Variants in ANO1 observed in about 807,000 individuals in gnomAD.
The protein encoded by ANO1 is anoctamin-1.
ANO1 carries 59 observed loss-of-function variants against 124.0 expected under a neutral mutation model. The ratio of observed to expected loss-of-function variants is 0.48; its 90% confidence interval spans 0.39 to 0.59. The LOEUF is 0.59. Among genes scored for constraint, ANO1 ranks in the 20% least tolerant of loss-of-function variants. The pLI, the probability that ANO1 is intolerant of heterozygous loss-of-function variation, is 0.00. For synonymous variants in ANO1, 529 were observed against 532.0 expected (o/e 0.99, Z 0.08); for missense variants, 1,059 against 1,328.0 (o/e 0.80, Z 3.15).
Position 70,166,507 on chromosome 11 carries a change from G to A in ANO1, c.2052-735G>A, listed in dbSNP as rs558564305. On this transcript the variant is annotated intron_variant, in intron 20 of 25. Transcript: ENST00000355303. ...GATGGAGGCTGGGGGACTTGGCCTC[G>A]TTGTTACCTTGTACCCTTCGGAAAT... Among the ~76,000 whole-genome samples the A allele has an allele frequency of 8.5e-5, 13 of 152,154 alleles. No homozygotes were observed. The East Asian group carries it at 1.5e-3, about 18-fold the overall frequency.
At chr11:70,049,368 C>A (rs993970415) in intron 1 of ANO1, among the ~76,000 whole-genome samples, 2 of 152,240 alleles carry the variant, frequency 1.3e-5, no homozygotes, top group Non-Finnish European at 2.9e-5. Context: ...CTTTGCCTCT[C>A]TATGCCTTGG....
intron 2 of ANO1, among the ~76,000 whole-genome samples, chr11:70,102,306 C>T (rs2045308706): frequency 6.6e-6 from 1 of 152,182 alleles, no homozygotes; most frequent in African/African-American, 2.4e-5. Context: ...ATCAAGCTGG[C>T]CATGAAGGTT....
At chr11:70,185,131 T>G (rs546233372) in intron 24 of ANO1, among the ~76,000 whole-genome samples, 79 of 152,248 alleles carry the variant, frequency 5.2e-4, no homozygotes, top group African/African-American at 1.8e-3. Context: ...AGCATGGGCG[T>G]TGGGTTGAGG....
the ANO1 span, among the ~76,000 whole-genome samples, chr11:69,972,276 G>A: frequency 6.6e-6 from 1 of 151,628 alleles, no homozygotes; most frequent in Non-Finnish European, 1.5e-5. Flanking sequence ...TGAAAATGCC[G>A]GCGTTATCTC....
At chr11:70,147,228 G>C (rs77652224) in intron 11 of ANO1, among the ~76,000 whole-genome samples, 20,558 of 152,240 alleles carry the variant, frequency 0.14, 1,567 homozygotes, top group African/African-American at 0.2. Flanking sequence ...GGAGACATCG[G>C]GGGCCTTGCA....
At chr11:70,155,268 A>C (rs75167016) in intron 14 of ANO1, among the ~76,000 whole-genome samples, 98 of 152,346 alleles carry the variant, frequency 6.4e-4, no homozygotes, top group African/African-American at 2.3e-3. Flanking sequence ...CACCTCTTGG[A>C]TACAGGGTCC....
rs527620441 is a variant in ANO1, at chr11:70,041,729, A to G, written c.59-36813A>G. 9.2e-5 allele frequency among the ~76,000 whole-genome samples: 14 copies of G among 152,190 alleles called. 1 individual carries two copies. The South Asian group carries it at 1.9e-3, about 20-fold the overall frequency. The stretch of plus-strand genomic sequence containing the variant: ...GGAGGTTCTCGGTGAAAATATGTTG[A>G]AAAAACAGTAATCCTGCTGTACTTC... On this transcript the variant is annotated intron_variant, in intron 1 of 27. Coordinates refer to the ANO1 transcript ENST00000531349.
At chr11:70,179,665 T>C (rs908414338) in intron 22 of ANO1, among the ~76,000 whole-genome samples, 3 of 152,186 alleles carry the variant, frequency 2.0e-5, no homozygotes, top group African/African-American at 7.2e-5. Flanking sequence ...CCCAATTGAA[T>C]CTTGGTCAGT....
intron 1 of ANO1, among the ~76,000 whole-genome samples, chr11:69,987,447 G>A (rs1487303180): frequency 1.3e-5 from 2 of 152,056 alleles, no homozygotes; most frequent in African/African-American, 4.8e-5. Flanking sequence ...AAGAAACTGA[G>A]GCCACACAGC....
intron 18 of ANO1, among the ~76,000 whole-genome samples, chr11:70,162,456 A>G (rs2048090074): frequency 6.6e-6 from 1 of 152,132 alleles, no homozygotes; most frequent in Non-Finnish European, 1.5e-5. Context: ...CAAAGTGGGG[A>G]CAAGGAGAGA....
In ANO1 at chr11:70,165,589, G is replaced by C. The variant is rs1317207762; in HGVS notation, c.2051+19G>C. On this transcript the variant is annotated intron_variant, in intron 20 of 25. Transcript: ENST00000355303. ...GCATCCCGTGAGTGTGCTGCAGCGG[G>C]TTAGAGCGGCAGGGGCGGGGCCAGG... The C allele has an allele frequency of 6.2e-7, 1 of 1,601,608 alleles. No individual in the cohort carries two copies. Among genetic ancestry groups the C allele is most frequent in the Admixed American group, 1.7e-5 (1 of 58,962 alleles).
rs117242873 is a variant in ANO1 at position 70,175,260 on chromosome 11, C to G, written c.2350+4221C>G. On this transcript the variant is annotated intron_variant, in intron 22 of 25. Coordinates refer to ENST00000355303, the MANE Select transcript of ANO1 (RefSeq NM_018043.7). Reference sequence around the variant, plus strand: ...CTGGCTGGTTTTTGCTCAGTTCTTACGGATCAGCTACTCACTTCCTGGTTC... The same window carrying G: ...CTGGCTGGTTTTTGCTCAGTTCTTAGGGATCAGCTACTCACTTCCTGGTTC... 8.1e-4 allele frequency among the ~76,000 whole-genome samples: 124 copies of G among 152,386 alleles called. 2 individuals are homozygous for G. In the South Asian group the frequency reaches 0.024, roughly 30 times the overall value.
chr11:70,133,644 C>T (rs895681723), intron 11 of ANO1, among the ~76,000 whole-genome samples: 4 of 152,196 alleles, frequency 2.6e-5, no homozygotes, highest in African/African-American at 4.8e-5. Context: ...TCCCCTGCTC[C>T]GGAGGCTGCA....
chr11:70,103,855 T>A, intron 3 of ANO1, 144 bp from the exon 4 acceptor site: 1 of 812,774 alleles, frequency 1.2e-6, no homozygotes. Flanking sequence ...GGTGGGGCGG[T>A]GCATTCTGGC....
intron 1 of ANO1, among the ~76,000 whole-genome samples, chr11:70,003,199 A>T (rs1835175907): frequency 6.6e-6 from 1 of 152,228 alleles, no homozygotes; most frequent in Non-Finnish European, 1.5e-5. Flanking sequence ...AATCGGCATG[A>T]CCACAATAGG....
In ANO1 at chr11:70,167,456, G is replaced by A. The variant is rs77617760; in HGVS notation, c.2197+69G>A. 7.9e-3 allele frequency: 12,095 copies of A among 1,538,732 alleles called. 66 individuals carry two copies. The highest frequency in any genetic ancestry group is 0.017 in the Middle Eastern group (89 of 5,214). Reference sequence around the variant, plus strand: ...AGGCCAGCATGCCACCTGGAGTGGGGAAGGGCTGCAGGGGCATGATGCCCC... The same window carrying A: ...AGGCCAGCATGCCACCTGGAGTGGGAAAGGGCTGCAGGGGCATGATGCCCC... On this transcript the variant is annotated intron_variant, in intron 21 of 25. Coordinates refer to ENST00000355303, the MANE Select transcript of ANO1 (RefSeq NM_018043.7).
At chr11:70,050,164 G>A (rs1359238795) in intron 1 of ANO1, among the ~76,000 whole-genome samples, 1 of 152,178 alleles carries the variant, frequency 6.6e-6, no homozygotes, top group Non-Finnish European at 1.5e-5. Flanking sequence ...CCTTCACCTG[G>A]AAACCCCTGT....
intron 1 of ANO1, among the ~76,000 whole-genome samples, chr11:70,052,531 CTTTTTT>C (rs200770702): frequency 8.5e-4 from 56 of 65,892 alleles, no homozygotes; most frequent in African/African-American, 1.9e-3. Context: ...TTTTTCTTTT[CTTTTTT>C]TTTTTTTTTT....
chr11:69,966,596 G>C, the ANO1 span, among the ~76,000 whole-genome samples: 1 of 152,190 alleles, frequency 6.6e-6, no homozygotes, highest in Admixed American at 6.5e-5. Context: ...AGGAAAGAGC[G>C]ATGGAAGAGC....
Sources: gnomAD v4.1 joint callset for allele counts (sites outside exome capture counted in the v4.1 genomes callset) on GRCh38, gnomAD v4.1.1 for gene constraint, MANE v1.5 for transcripts, NCBI Gene and HGNC (gene_info 2026-07-23, HGNC 2026-07-21) for gene names.